The following OSBPL1A variants were observed in gnomAD, a reference collection of about 807,000 sequenced individuals.
OSBPL1A encodes the protein oxysterol binding protein like 1A.
Under a neutral mutation model 137.1 loss-of-function variants are expected in OSBPL1A, and 80 were observed. The ratio of observed to expected loss-of-function variants is 0.58; its 90% CI spans 0.49 to 0.70. OSBPL1A has a LOEUF of 0.70. OSBPL1A is among the 30% of genes least tolerant of loss of function. OSBPL1A has a pLI of 0.00. For missense variants in OSBPL1A, 970 were observed against 1,129.4 expected (o/e 0.86, Z 2.02); for synonymous variants, 365 against 389.7 (o/e 0.94, Z 0.75).
intron 4 of OSBPL1A, chr18:24,366,598 AT>A (rs74271368): frequency 3.9e-3 from 926 of 238,324 alleles, no homozygotes; most frequent in East Asian, 6.1e-3. Flanking sequence ...CAATGAAGCT[AT>A]TTTTTTTTTA....
chr18:24,255,037 A>C (rs2089228944), intron 15 of OSBPL1A, among the ~76,000 whole-genome samples: 1 of 152,226 alleles, frequency 6.6e-6, no homozygotes, highest in Non-Finnish European at 1.5e-5. Flanking sequence ...GATACCACAG[A>C]AATCCAAAGG....
At chr18:24,187,870 A>G (rs2086791238) in intron 18 of OSBPL1A, among the ~76,000 whole-genome samples, 2 of 152,190 alleles carry the variant, frequency 1.3e-5, no homozygotes, top group Non-Finnish European at 2.9e-5. Context: ...TCCAAACACC[A>G]GGATGGCAGG....
intron 5 of OSBPL1A, among the ~76,000 whole-genome samples, chr18:24,338,291 A>G (rs1228205645): frequency 1.3e-5 from 2 of 151,130 alleles, no homozygotes; most frequent in Non-Finnish European, 2.9e-5. Context: ...CGTGTTAGCC[A>G]GGATGGTCTC....
chr18:24,347,123 A>G (rs996324848), intron 4 of OSBPL1A, among the ~76,000 whole-genome samples: 5 of 152,150 alleles, frequency 3.3e-5, no homozygotes, highest in African/African-American at 9.7e-5. Flanking sequence ...TACTTTTTCT[A>G]TAAAAGTATC....
intron 16 of OSBPL1A, among the ~76,000 whole-genome samples, chr18:24,237,709 T>G (rs932498525): frequency 6.6e-6 from 1 of 152,236 alleles, no homozygotes; most frequent in Non-Finnish European, 1.5e-5. Context: ...ATCCCTCTTG[T>G]AATTTTCCTT....
intron 4 of OSBPL1A, among the ~76,000 whole-genome samples, chr18:24,345,170 G>A (rs1289715930): frequency 1.3e-5 from 2 of 151,980 alleles, no homozygotes; most frequent in Non-Finnish European, 2.9e-5. Flanking sequence ...CTATAATGAA[G>A]GGTAAGGGGG....
chr18:24,266,128 G>A (rs1173711593), intron 15 of OSBPL1A, among the ~76,000 whole-genome samples: 1 of 152,214 alleles, frequency 6.6e-6, no homozygotes, highest in African/African-American at 2.4e-5. Flanking sequence ...GTTGCCCAGA[G>A]TCAAAGAGCA....
At chr18:24,283,283 T>A (rs11664635) in intron 14 of OSBPL1A, among the ~76,000 whole-genome samples, 17,978 of 61,032 alleles carry the variant, frequency 0.29, 1,664 homozygotes, top group Non-Finnish European at 0.35. Context: ...AAAAAAAAAA[T>A]ATATATATAT....
At chr18:24,209,119 T>G (rs1245804851) in intron 17 of OSBPL1A, among the ~76,000 whole-genome samples, 1 of 152,222 alleles carries the variant, frequency 6.6e-6, no homozygotes, top group Non-Finnish European at 1.5e-5. Context: ...TAAAGACTTC[T>G]GTTCATTATT....
chr18:24,263,338 C>T (rs1205678171), intron 15 of OSBPL1A, among the ~76,000 whole-genome samples: 2 of 152,124 alleles, frequency 1.3e-5, no homozygotes, highest in African/African-American at 2.4e-5. Flanking sequence ...ATGATCCTCC[C>T]CACCCACAAT....
At chr18:24,225,630 CATCCAA>C (rs1567958434) in intron 16 of OSBPL1A, among the ~76,000 whole-genome samples, 74 of 152,204 alleles carry the variant, frequency 4.9e-4, no homozygotes, top group African/African-American at 1.7e-3. Context: ...GTTTAAATTA[CATCCAA>C]TACTGTAGAC....
rs963036429 is a variant in OSBPL1A, at chr18:24,350,108, TCCCCTTTAGCTAGTGTGG to T, written c.283-8468_283-8451del. Among the ~76,000 whole-genome samples, 49 of 152,254 alleles carry T rather than the reference TCCCCTTTAGCTAGTGTGG, an allele frequency of 3.2e-4. 1 individual carries two copies. The highest frequency in any genetic ancestry group is 2.3e-3 in the South Asian group (11 of 4,812). ...AAGAATAAAGACTACATTTCCTCGC[TCCCCTTTAGCTAGTGTGG>T]CCCCTTTAGCTAGTGTGGCCATGAA... is the stretch of plus-strand genomic sequence containing the variant. On this transcript the variant is annotated intron_variant, in intron 4 of 27. Transcript: ENST00000319481.
chr18:24,357,006 C>T (rs1434816910), intron 4 of OSBPL1A: 1 of 152,214 alleles, frequency 6.6e-6, no homozygotes, highest in African/African-American at 2.4e-5. Context: ...TTTGGATTCA[C>T]ATGGACAAGA....
In OSBPL1A at chr18:24,179,819, G is replaced by C; in HGVS notation, c.1829C>G (p.Ala610Gly). ...VERMQCVAAF[A>G]VSAVASQWER... Reference sequence around the variant, plus strand: ...CCACTGAGAAGCAACAGCAGATACAGCAAACGCAGCTACACACTGTGGGAC... The same window carrying C: ...CCACTGAGAAGCAACAGCAGATACACCAAACGCAGCTACACACTGTGGGAC... Residue 610 changes from alanine to glycine, a missense_variant, in exon 20 of 28, where the codon GCT (alanine) becomes GGT (glycine). Ala to Gly is a moderately conservative substitution (Grantham distance 60, BLOSUM62 0). Around this residue, in one of 2 missense-constraint regions of OSBPL1A, gnomAD observed 323 missense variants for 456.8 expected, o/e 0.71. Transcript: ENST00000319481. 2 of 1,614,074 alleles carry C rather than the reference G, an allele frequency of 1.2e-6. No individual in the cohort carries two copies. Among genetic ancestry groups the C allele is most frequent in the Non-Finnish European group, 1.7e-6 (2 of 1,179,962 alleles).
At chr18:24,339,675 A>G (rs1246269708) in intron 5 of OSBPL1A, among the ~76,000 whole-genome samples, 1 of 152,250 alleles carries the variant, frequency 6.6e-6, no homozygotes, top group African/African-American at 2.4e-5. Context: ...AATTAAAGAC[A>G]GTACCTCATC....
At position 24,171,493 on chromosome 18, in the gene OSBPL1A, C is replaced by T. The variant is rs1486156011; in HGVS notation, c.2207G>A (p.Gly736Glu). 1.2e-6 allele frequency: 2 copies of T among 1,611,050 alleles called. No individual in the cohort carries two copies. The highest frequency in any genetic ancestry group is 1.7e-5 in the Admixed American group (1 of 59,772). Residue 736 changes from glycine to glutamate, a missense_variant, in exon 23 of 28, where the codon GGG becomes GAG. This residue lies in a region of OSBPL1A where 323 missense variants were observed against 456.8 expected (regional missense o/e 0.71). Coordinates refer to ENST00000319481, the MANE Select transcript of OSBPL1A (RefSeq NM_080597.4). ...GNVEIINHKT[G>E]DKCVLNFKPC... ...CTTAAAATTCAACACACATTTGTCC[C>T]CAGTCCTATAAAGAAAATACTAAGT...
chr18:24,354,489 G>A (rs572100726), intron 4 of OSBPL1A, among the ~76,000 whole-genome samples: 1 of 152,042 alleles, frequency 6.6e-6, no homozygotes. Context: ...GGAAACTGAA[G>A]GAAGGTGAAG....
At position 24,390,694 on chromosome 18, in the gene OSBPL1A, C is replaced by CAAAAAAAAAAAA. The variant is rs751432894; in HGVS notation, c.-3+6949_-3+6960dup. Among the ~76,000 whole-genome samples, 89 of 56,202 alleles carry CAAAAAAAAAAAA rather than the reference C, an allele frequency of 1.6e-3. 3 individuals are homozygous for CAAAAAAAAAAAA. The highest frequency in any genetic ancestry group is 4.4e-3 in the African/African-American group (62 of 14,068). The allele number at this position is 56,202 out of a possible 152,430, so 36.9% of individuals were successfully genotyped here. A position where few individuals can be genotyped will look rare whatever the true frequency, so the allele number is the denominator to read the frequency against. ...TGGGCAACAGAGTGCGACTCCGTCT[C>CAAAAAAAAAAAA]AAAAAAAAAAAAAAAAAAAAAAAAA... is the stretch of plus-strand genomic sequence containing the variant. On this transcript the variant is annotated intron_variant, in intron 1 of 27. Coordinates refer to ENST00000319481, the MANE Select transcript of OSBPL1A (RefSeq NM_080597.4).
chr18:24,173,988 A>AATGTAG (rs2086360592), intron 21 of OSBPL1A, among the ~76,000 whole-genome samples: 1 of 152,172 alleles, frequency 6.6e-6, no homozygotes, highest in Admixed American at 6.5e-5. Flanking sequence ...ACGTCATATA[A>AATGTAG]ATGTAGATTA....
Sources: allele counts gnomAD v4.1 joint callset (sites outside exome capture counted in the v4.1 genomes callset), GRCh38; gene constraint gnomAD v4.1.1; regional missense constraint gnomAD v4.1.1; transcripts MANE v1.5; gene names NCBI Gene and HGNC (gene_info 2026-07-23, HGNC 2026-07-21).